The following CCSER1 variants were observed in gnomAD, a reference collection of about 807,000 sequenced individuals.
CCSER1 encodes serine-rich coiled-coil domain-containing protein 1.
CCSER1 carries 41 observed loss-of-function variants against 82.0 expected under a neutral mutation model. The observed-to-expected ratio is 0.50, with a 90% CI of 0.39 to 0.65. The LOEUF is 0.65. Among genes scored for constraint, CCSER1 ranks in the 30% least tolerant of loss-of-function variants. The pLI, the probability that CCSER1 is intolerant of heterozygous loss-of-function variation, is 0.00. For missense variants in CCSER1, 1,119 were observed against 1,064.2 expected (o/e 1.05, Z -0.72); for synonymous variants, 414 against 383.9 (o/e 1.08, Z -0.92).
intron 9 of CCSER1, among the ~76,000 whole-genome samples, chr4:91,074,375 G>T (rs761072033): frequency 2.6e-5 from 4 of 152,110 alleles, no homozygotes; most frequent in Non-Finnish European, 5.9e-5. Flanking sequence ...GCCAATAAGG[G>T]CAGCAACATC....
At chr4:90,833,668 A>G (rs1280849484) in intron 8 of CCSER1, among the ~76,000 whole-genome samples, 1 of 152,218 alleles carries the variant, frequency 6.6e-6, no homozygotes, top group Non-Finnish European at 1.5e-5. Context: ...AAATTAATGC[A>G]TTATTCTTAG....
intron 10 of CCSER1, among the ~76,000 whole-genome samples, chr4:91,232,304 C>G (rs553116353): frequency 6.6e-6 from 1 of 151,666 alleles, no homozygotes; most frequent in Non-Finnish European, 1.5e-5. Flanking sequence ...TCTACAATAG[C>G]GAAAGCTTAA....
intron 3 of CCSER1, among the ~76,000 whole-genome samples, chr4:90,346,898 T>C (rs1324813461): frequency 2.0e-5 from 3 of 152,126 alleles, no homozygotes; most frequent in Non-Finnish European, 4.4e-5. Flanking sequence ...TAACCTTTTA[T>C]TGAGGCTACA....
chr4:90,383,851 G>C (rs766544769), intron 3 of CCSER1, among the ~76,000 whole-genome samples: 1 of 151,802 alleles, frequency 6.6e-6, no homozygotes, highest in Non-Finnish European at 1.5e-5. Context: ...GCTATTGAAG[G>C]CTCCTGAGTA....
intron 10 of CCSER1, among the ~76,000 whole-genome samples, chr4:91,091,938 T>G (rs1438626177): frequency 1.3e-5 from 2 of 152,198 alleles, no homozygotes; most frequent in African/African-American, 2.4e-5. Context: ...GGCCTGTAAC[T>G]GTCTCTGCAA....
intron 3 of CCSER1, among the ~76,000 whole-genome samples, chr4:90,357,630 A>G (rs570352046): frequency 6.6e-5 from 10 of 152,110 alleles, no homozygotes; most frequent in African/African-American, 2.2e-4. Flanking sequence ...CTTATAGGAA[A>G]AGGTAACCAG....
chr4:91,412,077 G>T (rs887249303), intron 10 of CCSER1, among the ~76,000 whole-genome samples: 1 of 152,098 alleles, frequency 6.6e-6, no homozygotes, highest in African/African-American at 2.4e-5. Context: ...CTTTGTAGGG[G>T]TATTGGGATT....
intron 10 of CCSER1, among the ~76,000 whole-genome samples, chr4:91,554,615 C>T (rs999762681): frequency 6.6e-6 from 1 of 151,100 alleles, no homozygotes; most frequent in Non-Finnish European, 1.5e-5. Flanking sequence ...GTAAAAATGT[C>T]CATACTACCC....
At chr4:91,390,532 A>C (rs1398626896) in intron 10 of CCSER1, among the ~76,000 whole-genome samples, 1 of 151,934 alleles carries the variant, frequency 6.6e-6, no homozygotes, top group Admixed American at 6.6e-5. Context: ...TTTTGGTATT[A>C]GGGTAAAATG....
intron 1 of CCSER1, among the ~76,000 whole-genome samples, chr4:90,242,511 A>G (rs1720543749): frequency 6.6e-6 from 1 of 152,212 alleles, no homozygotes; most frequent in African/African-American, 2.4e-5. Context: ...GAAAAGGATG[A>G]TGATAATAAA....
rs72881380 is a variant in CCSER1, at chr4:90,893,933, C to T, written c.2095-29437C>T. ...CATTTTATGTTATTTTATTGTTTTA[C>T]ATACACTGACTTTATAGCTAGATAA... On this transcript the variant is annotated intron_variant, in intron 8 of 10. Coordinates refer to ENST00000509176, the MANE Select transcript of CCSER1 (RefSeq NM_001145065.2). Among the ~76,000 whole-genome samples, 702 of 151,972 alleles carry T rather than the reference C, an allele frequency of 4.6e-3. 4 individuals are homozygous for T. The highest frequency in any genetic ancestry group is 0.016 in the African/African-American group (674 of 41,464).
chr4:90,725,022 G>A (rs1385781084), intron 7 of CCSER1: 2 of 440,642 alleles, frequency 4.5e-6, no homozygotes, highest in South Asian at 1.6e-5. Context: ...ATATTTGTTA[G>A]AAGGCCCTTT....
chr4:91,255,788 C>T (rs1167319176), intron 10 of CCSER1, among the ~76,000 whole-genome samples: 3 of 152,172 alleles, frequency 2.0e-5, no homozygotes, highest in Non-Finnish European at 4.4e-5. Context: ...AATCAATACT[C>T]TTATATTTCC....
At chr4:90,278,697 C>A (rs1393896799) in intron 1 of CCSER1, among the ~76,000 whole-genome samples, 2 of 151,728 alleles carry the variant, frequency 1.3e-5, no homozygotes, top group African/African-American at 4.8e-5. Flanking sequence ...TGGAAGGGGG[C>A]AAGGGCTGAA....
rs1200419563 is a variant in CCSER1 at position 90,802,615 on chromosome 4, G to A, written c.2011-13147G>A. Among the ~76,000 whole-genome samples, 5 of 151,878 alleles carry A rather than the reference G, an allele frequency of 3.3e-5. 1 individual carries two copies. Among genetic ancestry groups the A allele is most frequent in the African/African-American group, 9.7e-5 (4 of 41,374 alleles). On this transcript the variant is annotated intron_variant, in intron 7 of 10. Coordinates refer to ENST00000509176, the MANE Select transcript of CCSER1 (RefSeq NM_001145065.2). Reference sequence around the variant, plus strand: ...ATAAAATATTTTTTAATTGTTTTGCGCTAACTAATAAAGAAACAAAATTGT... The same window carrying A: ...ATAAAATATTTTTTAATTGTTTTGCACTAACTAATAAAGAAACAAAATTGT...
At chr4:90,572,095 C>T (rs1319835175) in intron 5 of CCSER1, among the ~76,000 whole-genome samples, 1 of 151,972 alleles carries the variant, frequency 6.6e-6, no homozygotes, top group African/African-American at 2.4e-5. Context: ...TTTGTTTGTA[C>T]TTCATTTCTG....
At chr4:91,414,537 A>C (rs1190261751) in intron 10 of CCSER1, among the ~76,000 whole-genome samples, 3 of 152,128 alleles carry the variant, frequency 2.0e-5, no homozygotes, top group Non-Finnish European at 4.4e-5. Context: ...AAAACAATGA[A>C]CAAAATGGCA....
chr4:91,133,933 T>A (rs888926003), intron 10 of CCSER1, among the ~76,000 whole-genome samples: 3 of 152,126 alleles, frequency 2.0e-5, no homozygotes, highest in African/African-American at 7.2e-5. Context: ...ACCCCGTCTC[T>A]ACTAAAAATA....
chr4:91,259,314 G>T lies in CCSER1; in HGVS notation c.2217+173320G>T, dbSNP rs116729995. ...TTAACAAAATATTTTGTATGAAATG[G>T]GATGCATATTTGTTCTCAAAGCATT... is the stretch of plus-strand genomic sequence containing the variant. On this transcript the variant is annotated intron_variant, in intron 10 of 10. Coordinates refer to ENST00000509176, the MANE Select transcript of CCSER1 (RefSeq NM_001145065.2). Among the ~76,000 whole-genome samples, 740 of 152,146 alleles carry T rather than the reference G, an allele frequency of 4.9e-3. 5 individuals are homozygous for T. Among genetic ancestry groups the T allele is most frequent in the African/African-American group, 0.017 (714 of 41,516 alleles).
Sources: allele counts gnomAD v4.1 joint callset (sites outside exome capture counted in the v4.1 genomes callset), GRCh38; gene constraint gnomAD v4.1.1; transcripts MANE v1.5; gene names NCBI Gene and HGNC (gene_info 2026-07-23, HGNC 2026-07-21).